Variants in CCDC146 observed in about 807,000 individuals in gnomAD.
CCDC146 encodes the protein coiled-coil domain-containing protein 146.
CCDC146 carries 92 observed loss-of-function variants against 119.3 expected under a neutral mutation model. The observed-to-expected ratio is 0.77, with a 90% CI of 0.65 to 0.92. The LOEUF is 0.92. CCDC146 is among the 40% of genes least tolerant of loss of function. The probability of loss-of-function intolerance (pLI) is 0.00; values close to 1 mark genes in which losing one functional copy is unlikely to be tolerated. For synonymous variants in CCDC146, 372 were observed against 371.8 expected (o/e 1.00, Z -0.01); for missense variants, 1,000 against 1,103.0 (o/e 0.91, Z 1.32).
intron 2 of CCDC146, among the ~76,000 whole-genome samples, chr7:77,191,339 C>T (rs868019935): frequency 3.0e-4 from 45 of 152,280 alleles, no homozygotes; most frequent in African/African-American, 1.1e-3. Flanking sequence ...CACAGTCTCT[C>T]ATATCCGCAG....
intron 1 of CCDC146, among the ~76,000 whole-genome samples, chr7:77,144,428 C>A (rs1416781693): frequency 6.6e-6 from 1 of 151,736 alleles, no homozygotes. Flanking sequence ...TGCCTGATTG[C>A]CCTGGCCAGA....
At chr7:77,293,306 A>G (rs1793984445) in intron 18 of CCDC146, 106 bp downstream of exon 18, 2 of 1,181,386 alleles carry the variant, frequency 1.7e-6, no homozygotes, top group Non-Finnish European at 2.4e-6. Context: ...CCACTCTACC[A>G]CACACAGTCC....
chr7:77,196,669 G>T lies in CCDC146; in HGVS notation c.156+28845G>T, dbSNP rs3093278. Reference sequence around the variant, plus strand: ...ACTGATCATACAAGGCATATAGTTCGACACCATTAAAGTCTTCAAGATCTA... The same window carrying T: ...ACTGATCATACAAGGCATATAGTTCTACACCATTAAAGTCTTCAAGATCTA... On this transcript the variant is annotated intron_variant, in intron 2 of 18. Transcript: ENST00000285871. This position sits in a 1 kb window ranked among gnomAD's most constrained non-coding sequence, Gnocchi z 4.2. 3 of 1,613,888 alleles carry T rather than the reference G, an allele frequency of 1.9e-6. No homozygotes were observed. Among genetic ancestry groups the T allele is most frequent in the Non-Finnish European group, 2.5e-6 (3 of 1,179,956 alleles).
chr7:77,174,135 T>G (rs1791467110), intron 2 of CCDC146, among the ~76,000 whole-genome samples: 1 of 152,180 alleles, frequency 6.6e-6, no homozygotes, highest in African/African-American at 2.4e-5. Flanking sequence ...TTAGTTTGTC[T>G]CTTCCTGAAC....
chr7:77,226,774 C>T (rs1341519199), intron 2 of CCDC146, among the ~76,000 whole-genome samples: 1 of 152,168 alleles, frequency 6.6e-6, no homozygotes, highest in Non-Finnish European at 1.5e-5. Flanking sequence ...AACTTGAGTT[C>T]TGCACCCACT....
At chr7:77,221,774 T>G (rs1305889480) in intron 2 of CCDC146, among the ~76,000 whole-genome samples, 1 of 152,174 alleles carries the variant, frequency 6.6e-6, no homozygotes, top group Non-Finnish European at 1.5e-5. Flanking sequence ...GTGGCCTGAT[T>G]CATTCAACAT....
intron 1 of CCDC146, among the ~76,000 whole-genome samples, chr7:77,164,606 G>A (rs2110321): frequency 2.2e-4 from 33 of 151,920 alleles, no homozygotes; most frequent in Admixed American, 8.5e-4. Flanking sequence ...TATAATTTCC[G>A]GCTGGCAGAA....
intron 2 of CCDC146, among the ~76,000 whole-genome samples, chr7:77,169,996 T>G (rs1026585045): frequency 3.3e-5 from 5 of 152,210 alleles, no homozygotes; most frequent in African/African-American, 1.2e-4. Flanking sequence ...TACATCTATC[T>G]TTATATATTT....
intron 1 of CCDC146, among the ~76,000 whole-genome samples, chr7:77,134,938 A>G (rs1790840551): frequency 6.6e-6 from 1 of 152,250 alleles, no homozygotes; most frequent in African/African-American, 2.4e-5. Context: ...TAAATGCAGT[A>G]TGAAAGCACT....
chr7:77,124,491 T>G (rs1333249549), intron 1 of CCDC146, among the ~76,000 whole-genome samples: 1 of 152,194 alleles, frequency 6.6e-6, no homozygotes. Flanking sequence ...CCTCACACTA[T>G]AGATGGGGAA....
chr7:77,260,877 T>C (rs1214337915), intron 8 of CCDC146, among the ~76,000 whole-genome samples: 1 of 152,058 alleles, frequency 6.6e-6, no homozygotes, highest in Non-Finnish European at 1.5e-5. Context: ...ATCCACCCGC[T>C]TTGGCCTCCC....
At chr7:77,208,795 C>A (rs1202101791) in intron 2 of CCDC146, among the ~76,000 whole-genome samples, 1 of 152,230 alleles carries the variant, frequency 6.6e-6, no homozygotes, top group Non-Finnish European at 1.5e-5. Context: ...GTTGCCTTAA[C>A]CTCCTGGGCT....
rs188953293 is a variant in CCDC146, at chr7:77,196,503, A to C, written c.156+28679A>C. On this transcript the variant is annotated intron_variant, in intron 2 of 18. Transcript: ENST00000285871. The surrounding 1 kb of genome is among the most constrained non-coding windows in gnomAD (Gnocchi z 4.2). ...TACAGCCCACAGTTCCCAGAAGGAT[A>C]TCGATCATTGTCTTTATCTGGAGTG... 1 of 1,614,178 alleles carries C rather than the reference A, an allele frequency of 6.2e-7. No individual in the cohort carries two copies. The highest frequency in any genetic ancestry group is 2.2e-5 in the East Asian group (1 of 44,880).
intron 2 of CCDC146, among the ~76,000 whole-genome samples, chr7:77,223,286 G>A (rs1488065944): frequency 6.6e-6 from 1 of 152,192 alleles, no homozygotes; most frequent in African/African-American, 2.4e-5. Context: ...ATGTGTTTAG[G>A]CATGATTTTT....
intron 9 of CCDC146, among the ~76,000 whole-genome samples, chr7:77,264,786 C>T (rs1449759241): frequency 6.6e-6 from 1 of 152,152 alleles, no homozygotes; most frequent in Non-Finnish European, 1.5e-5. Context: ...CCCACATTTC[C>T]TTCCTTGGGA....
chr7:77,193,687 G>A (rs1412315360), intron 2 of CCDC146: 3 of 151,944 alleles, frequency 2.0e-5, no homozygotes, highest in Non-Finnish European at 4.4e-5. Flanking sequence ...AGTAAAATTT[G>A]ATTTTTTTTT....
chr7:77,162,626 T>G (rs1369094079), intron 1 of CCDC146, among the ~76,000 whole-genome samples: 1 of 152,230 alleles, frequency 6.6e-6, no homozygotes, highest in Non-Finnish European at 1.5e-5. Flanking sequence ...TTTGGGGTCT[T>G]TTATTGTTCC....
intron 1 of CCDC146, among the ~76,000 whole-genome samples, chr7:77,123,937 A>G (rs1790660505): frequency 6.6e-6 from 1 of 152,108 alleles, no homozygotes; most frequent in African/African-American, 2.4e-5. Context: ...TTTGTGTTTC[A>G]TTGGTTATAA....
chr7:77,123,521 T>C lies in CCDC146; in HGVS notation c.-12+789T>C, dbSNP rs189704981. On this transcript the variant is annotated intron_variant, in intron 1 of 18. Coordinates refer to ENST00000285871, the MANE Select transcript of CCDC146 (RefSeq NM_020879.3). ...ACAGAAAGATTTATTTTCTTCTTTT[T>C]TTCTTCTTTCCTGCCTGGTTTCTCT... 2.0e-5 allele frequency among the ~76,000 whole-genome samples: 3 copies of C among 152,030 alleles called. No homozygotes were observed. In the East Asian group the frequency reaches 5.8e-4, roughly 29 times the overall value.
Sources: allele counts gnomAD v4.1 joint callset (sites outside exome capture counted in the v4.1 genomes callset), GRCh38; gene constraint gnomAD v4.1.1; non-coding constraint Gnocchi (gnomAD v3.1); transcripts MANE v1.5; gene names NCBI Gene and HGNC (gene_info 2026-07-23, HGNC 2026-07-21).